Variants in NBEA observed in about 807,000 individuals in gnomAD.
NBEA encodes the protein neurobeachin, also known as lysosomal-trafficking regulator 2.
A neutral mutation model predicts 343.4 loss-of-function variants in NBEA; 44 were observed. The ratio of observed to expected loss-of-function variants is 0.13; its 90% CI spans 0.10 to 0.16. The LOEUF is 0.16. NBEA is among the 10% of genes least tolerant of loss of function. The pLI, the probability that NBEA is intolerant of heterozygous loss-of-function variation, is 1.00. For synonymous variants in NBEA, 1,175 were observed against 1,238.7 expected (o/e 0.95, Z 1.08); for missense variants, 2,555 against 3,631.3 (o/e 0.70, Z 7.62).
At chr13:35,551,638 CT>C (rs1195912508) in intron 43 of NBEA, among the ~76,000 whole-genome samples, 2 of 152,008 alleles carry the variant, frequency 1.3e-5, no homozygotes, top group African/African-American at 4.8e-5. Context: ...AACTGAATAC[CT>C]TACTAAAAGT....
At chr13:35,282,665 G>A (rs1045698943) in intron 34 of NBEA, among the ~76,000 whole-genome samples, 4 of 152,170 alleles carry the variant, frequency 2.6e-5, no homozygotes, top group Non-Finnish European at 5.9e-5. Context: ...ACTCAGGTCA[G>A]TCACCTTCTG....
chr13:35,177,129 T>A (rs1193174043), intron 28 of NBEA, 26 bp downstream of exon 28: 2 of 1,500,106 alleles, frequency 1.3e-6, no homozygotes, highest in Non-Finnish European at 9.2e-7. Context: ...TTGGTTTCCC[T>A]GAAATAAACC....
rs761072351 is a variant in NBEA, at chr13:35,070,063, T to C, written c.1395T>C (p.Asn465=). ...QLCLESSPKE[N]ASIFVHSPHA... ...GCCTGGAATCATCACCAAAAGAGAA[T>C]GCATCAATTTTTGTGCATTCCCCAC... Residue 465 remains asparagine (N), a synonymous_variant, in exon 9 of 59, where the codon AAT becomes AAC. Coordinates refer to ENST00000379939, the MANE Select transcript of NBEA (RefSeq NM_001385012.1). 20 of 1,600,892 alleles carry C rather than the reference T, an allele frequency of 1.2e-5. No individual in the cohort carries two copies. The highest frequency in any genetic ancestry group is 1.6e-5 in the Non-Finnish European group (19 of 1,173,820).
chr13:35,055,873 A>C, intron 6 of NBEA, 137 bp from the exon 7 acceptor site: 107 of 461,368 alleles, frequency 2.3e-4, no homozygotes, highest in Non-Finnish European at 3.0e-4. Flanking sequence ...GAGAGGGGGA[A>C]CTTGATCAAG....
chr13:34,985,960 A>G lies in NBEA; in HGVS notation c.294+42846A>G, dbSNP rs567778536. On this transcript the variant is annotated intron_variant, in intron 1 of 58. Transcript: ENST00000379939. The stretch of plus-strand genomic sequence containing the variant: ...TATTAGTCTTGCTAGCAGTCTATCA[A>G]TTTTGTTGATCTTTTAAAAAAACCA... Among the ~76,000 whole-genome samples, 3 of 149,378 alleles carry G rather than the reference A, an allele frequency of 2.0e-5. No individual in the cohort carries two copies. The South Asian group carries it at 6.4e-4, about 32-fold the overall frequency.
At chr13:35,179,628 T>A (rs996627354) in intron 28 of NBEA, 1 of 219,892 alleles carries the variant, frequency 4.5e-6, no homozygotes, top group African/African-American at 2.3e-5. Context: ...CAGTTTAGTG[T>A]CTGTTATTTA....
intron 38 of NBEA, among the ~76,000 whole-genome samples, chr13:35,410,559 T>C (rs2043522830): frequency 6.6e-6 from 1 of 151,968 alleles, no homozygotes; most frequent in Admixed American, 6.6e-5. Flanking sequence ...AAAAATGGAA[T>C]TAAAAGATAG....
intron 36 of NBEA, among the ~76,000 whole-genome samples, chr13:35,346,347 T>C (rs2039874978): frequency 6.6e-6 from 1 of 152,162 alleles, no homozygotes. Context: ...TATTCTAATA[T>C]CACATCTCTT....
chr13:35,175,662 G>A (rs1242984171), intron 27 of NBEA, among the ~76,000 whole-genome samples: 1 of 152,150 alleles, frequency 6.6e-6, no homozygotes, highest in African/African-American at 2.4e-5. Context: ...AGCGATGAAT[G>A]TAAAAATACT....
At chr13:35,343,347 CA>C (rs1240293096) in intron 36 of NBEA, among the ~76,000 whole-genome samples, 2 of 151,936 alleles carry the variant, frequency 1.3e-5, no homozygotes, top group African/African-American at 4.8e-5. Context: ...ATCCAGGAGA[CA>C]AAAAAATTCA....
At chr13:35,105,566 G>T (rs1191673729) in intron 11 of NBEA, among the ~76,000 whole-genome samples, 13 of 152,024 alleles carry the variant, frequency 8.6e-5, no homozygotes, top group Admixed American at 8.5e-4. Context: ...CAATTACTGA[G>T]CAAGATTCTT....
chr13:35,441,299 T>C lies in NBEA; in HGVS notation c.6304+8906T>C, dbSNP rs145230038. ...CCATTTATTTTCCTTAAATTGTCTG[T>C]ACAAACATGATTTTCTCCCTCACAT... On this transcript the variant is annotated intron_variant, in intron 39 of 58. Transcript: ENST00000379939. Among the ~76,000 whole-genome samples, 905 of 152,306 alleles carry C rather than the reference T, an allele frequency of 5.9e-3. 10 individuals are homozygous for C. Among genetic ancestry groups the C allele is most frequent in the African/African-American group, 0.02 (848 of 41,556 alleles).
intron 51 of NBEA, among the ~76,000 whole-genome samples, chr13:35,648,180 CTT>C (rs949635885): frequency 1.9e-5 from 2 of 104,184 alleles, no homozygotes; most frequent in African/African-American, 3.8e-5. Context: ...TGTTTAAACT[CTT>C]TTTTTTTTTT....
intron 37 of NBEA, 21 bp from the exon 38 acceptor site, chr13:35,352,136 A>G (rs773456209): frequency 3.6e-6 from 5 of 1,380,316 alleles, no homozygotes; most frequent in Non-Finnish European, 4.8e-6. Context: ...ATTATTATGC[A>G]TCATTTGTAT....
intron 33 of NBEA, among the ~76,000 whole-genome samples, chr13:35,213,789 G>A (rs190090168): frequency 9.0e-4 from 136 of 151,856 alleles, no homozygotes; most frequent in African/African-American, 3.2e-3. Flanking sequence ...CACTCATTTT[G>A]AGCATACATT....
chr13:34,943,335 G>A (rs1593243871), intron 1 of NBEA, among the ~76,000 whole-genome samples: 1 of 152,134 alleles, frequency 6.6e-6, no homozygotes. Flanking sequence ...TGCCACCTGA[G>A]CGCAGTGCCC....
At chr13:35,044,796 C>T in intron 2 of NBEA, 151 bp from the exon 3 acceptor site, 1 of 356,262 alleles carries the variant, frequency 2.8e-6, no homozygotes, top group Non-Finnish European at 5.0e-6. Context: ...TTCATGAGGA[C>T]ATTTAGCTGT....
chr13:35,571,229 A>G (rs184547145), intron 45 of NBEA, among the ~76,000 whole-genome samples: 21 of 152,262 alleles, frequency 1.4e-4, no homozygotes, highest in Non-Finnish European at 2.5e-4. Flanking sequence ...AAAAATAAAT[A>G]TTTATTTTCT....
Position 35,374,532 on chromosome 13 carries a change from T to C in NBEA, c.6179+22209T>C, listed in dbSNP as rs374031424. On this transcript the variant is annotated intron_variant, in intron 38 of 58. Transcript: ENST00000379939. Reference sequence around the variant, plus strand: ...GAAAAATACAGTTATCTGTGAAGTATAATAAAGCTAAGTGCAGTAGAACAA... The same window carrying C: ...GAAAAATACAGTTATCTGTGAAGTACAATAAAGCTAAGTGCAGTAGAACAA... 9.8e-5 allele frequency among the ~76,000 whole-genome samples: 15 copies of C among 152,304 alleles called. No homozygotes were observed. In the South Asian group the frequency reaches 2.7e-3, roughly 27 times the overall value.
Sources: gnomAD v4.1 joint callset for allele counts (sites outside exome capture counted in the v4.1 genomes callset) on GRCh38, gnomAD v4.1.1 for gene constraint, MANE v1.5 for transcripts, NCBI Gene and HGNC (gene_info 2026-07-23, HGNC 2026-07-21) for gene names.